UMAD1: variants seen among roughly 807,000 people sequenced by gnomAD.
The protein encoded by UMAD1 is UBAP1-MVB12-associated (UMA) domain containing 1, also known as UBAP1-MVB12-associated (UMA)-domain containing protein 1.
Under a neutral mutation model 6.1 loss-of-function variants are expected in UMAD1, and 8 were observed. The ratio of observed to expected loss-of-function variants is 1.30; its 90% CI spans 0.76 to 2.35. The LOEUF is 2.35. Ranked by LOEUF, UMAD1 falls within the 30% of genes most tolerant of loss-of-function variation. UMAD1 has a pLI of 0.00. For missense variants in UMAD1, 130 were observed against 78.4 expected (o/e 1.66, Z -2.49); for synonymous variants, 56 against 31.4 (o/e 1.78, Z -2.61).
At chr7:7,857,447 C>T (rs1295626254) in intron 3 of UMAD1, among the ~76,000 whole-genome samples, 2 of 152,196 alleles carry the variant, frequency 1.3e-5, no homozygotes, top group Non-Finnish European at 2.9e-5. Flanking sequence ...CACTTTCTTG[C>T]CATTGCTTGC....
chr7:7,699,609 T>G (rs1049700158), intron 2 of UMAD1, among the ~76,000 whole-genome samples: 2 of 152,210 alleles, frequency 1.3e-5, no homozygotes, highest in African/African-American at 4.8e-5. Flanking sequence ...GGAAATAGAT[T>G]TAGTTCTAAG....
intron 2 of UMAD1, among the ~76,000 whole-genome samples, chr7:7,686,774 T>G (rs1448710534): frequency 6.6e-6 from 1 of 152,198 alleles, no homozygotes; most frequent in Non-Finnish European, 1.5e-5. Context: ...GTTTTCCAGT[T>G]AGGTGTGAAG....
chr7:7,672,950 A>G (rs1377904865), intron 1 of UMAD1, among the ~76,000 whole-genome samples: 2 of 152,106 alleles, frequency 1.3e-5, no homozygotes, highest in Non-Finnish European at 2.9e-5. Context: ...AGGTCTGTTT[A>G]TTTTATTTTT....
chr7:7,728,072 A>T (rs4140936), intron 2 of UMAD1, among the ~76,000 whole-genome samples: 11,760 of 151,986 alleles, frequency 0.077, 532 homozygotes, highest in South Asian at 0.11. Context: ...AACTCTTGGG[A>T]CCTCCATTCT....
intron 1 of UMAD1, among the ~76,000 whole-genome samples, chr7:7,665,844 G>T (rs1201782104): frequency 1.4e-5 from 2 of 146,852 alleles, no homozygotes; most frequent in African/African-American, 2.5e-5. Context: ...TTTTGAGATC[G>T]TTGCATGTTG....
intron 3 of UMAD1, among the ~76,000 whole-genome samples, chr7:7,835,450 A>T: frequency 1.6e-5 from 1 of 64,126 alleles, no homozygotes; most frequent in African/African-American, 5.5e-5. Flanking sequence ...TCATTCACTC[A>T]TTGAAACAGC....
At chr7:7,709,071 A>C (rs936406763) in intron 2 of UMAD1, among the ~76,000 whole-genome samples, 1 of 152,162 alleles carries the variant, frequency 6.6e-6, no homozygotes, top group Non-Finnish European at 1.5e-5. Context: ...ACTTAATAAC[A>C]CATCTTTCAG....
chr7:7,738,155 A>G (rs1291945527), intron 2 of UMAD1, among the ~76,000 whole-genome samples: 3 of 152,236 alleles, frequency 2.0e-5, no homozygotes, highest in African/African-American at 4.8e-5. Flanking sequence ...AAAAGAATTA[A>G]TTCCATTTCT....
chr7:7,711,784 G>T (rs1780770317), intron 2 of UMAD1, among the ~76,000 whole-genome samples: 1 of 152,072 alleles, frequency 6.6e-6, no homozygotes, highest in South Asian at 2.1e-4. Context: ...TGTTAATGAA[G>T]AGACATTTTG....
chr7:7,657,609 A>G (rs1178937344), intron 1 of UMAD1, among the ~76,000 whole-genome samples: 1 of 151,962 alleles, frequency 6.6e-6, no homozygotes, highest in African/African-American at 2.4e-5. Context: ...TATGTCAAAG[A>G]TCAGATGGTT....
rs556602885 is a variant in UMAD1, at chr7:7,722,469, C to A, written c.82+49016C>A. On this transcript the variant is annotated intron_variant, in intron 2 of 3. Coordinates refer to ENST00000682710, the MANE Select transcript of UMAD1 (RefSeq NM_001302348.2). ...AAATGCATTTGACACTCCTGATTTA[C>A]CGCCCATGTGAGACAAGGGGTTTAG... Among the ~76,000 whole-genome samples, 18 of 152,184 alleles carry A rather than the reference C, an allele frequency of 1.2e-4. 1 individual carries two copies. In the South Asian group the frequency reaches 3.3e-3, roughly 28 times the overall value.
intron 3 of UMAD1, among the ~76,000 whole-genome samples, chr7:7,824,619 G>A (rs1486472000): frequency 6.6e-6 from 1 of 152,048 alleles, no homozygotes; most frequent in Non-Finnish European, 1.5e-5. Flanking sequence ...ACAGTGTTTT[G>A]TCATGGTTTA....
rs1271237125 is a variant in UMAD1 at position 7,778,275 on chromosome 7, T to TGTGTGA, written c.83-23394_83-23393insTGTGAG. 6.3e-3 allele frequency among the ~76,000 whole-genome samples: 700 copies of TGTGTGA among 110,516 alleles called. 2 individuals are homozygous for TGTGTGA. Among genetic ancestry groups the TGTGTGA allele is most frequent in the Middle Eastern group, 8.3e-3 (2 of 242 alleles). 72.5% of individuals were successfully genotyped at this position (110,516 alleles called of 152,430 possible). A position where few individuals can be genotyped will look rare whatever the true frequency, so the allele number is the denominator to read the frequency against. ...GTGTGTGTGTGTGTGTGTGTGTGTG[T>TGTGTGA]GAGAGAGAGAGAGAGAGAGAGACAG... is the stretch of plus-strand genomic sequence containing the variant. On this transcript the variant is annotated intron_variant, in intron 2 of 3. Transcript: ENST00000682710.
chr7:7,692,739 A>T (rs1301107463), intron 2 of UMAD1, among the ~76,000 whole-genome samples: 15 of 152,082 alleles, frequency 9.9e-5, no homozygotes, highest in Admixed American at 9.2e-4. Flanking sequence ...CCTCCCGAGT[A>T]GTTGGGACTA....
intron 1 of UMAD1, among the ~76,000 whole-genome samples, chr7:7,648,175 CAGG>C (rs1394956675): frequency 6.6e-6 from 1 of 152,170 alleles, no homozygotes; most frequent in Non-Finnish European, 1.5e-5. Context: ...CGTTCTAAAT[CAGG>C]AGATTTCCAT....
intron 3 of UMAD1, among the ~76,000 whole-genome samples, chr7:7,858,894 C>G (rs1018462054): frequency 6.6e-6 from 1 of 152,136 alleles, no homozygotes; most frequent in African/African-American, 2.4e-5. Flanking sequence ...GATTTTGCCA[C>G]TAATCTCAGG....
rs564509655 is a variant in UMAD1 at position 7,855,176 on chromosome 7, G to A, written c.157-22105G>A. 3.9e-5 allele frequency among the ~76,000 whole-genome samples: 6 copies of A among 152,350 alleles called. No homozygotes were observed. The South Asian group carries it at 1.2e-3, about 32-fold the overall frequency. ...TGTCTGCAGCTTTTCCAGGTGCATG[G>A]TGCAAGCTGTCAGTGAATCTACCAT... is the stretch of plus-strand genomic sequence containing the variant. On this transcript the variant is annotated intron_variant, in intron 3 of 3. Coordinates refer to ENST00000682710, the MANE Select transcript of UMAD1 (RefSeq NM_001302348.2).
chr7:7,729,759 C>G (rs1406526698), intron 2 of UMAD1, among the ~76,000 whole-genome samples: 2 of 152,206 alleles, frequency 1.3e-5, no homozygotes, highest in East Asian at 3.9e-4. Flanking sequence ...CTTTTCTACC[C>G]CAGTCATTCT....
intron 2 of UMAD1, among the ~76,000 whole-genome samples, chr7:7,747,479 A>G (rs1423626868): frequency 6.6e-6 from 1 of 152,226 alleles, no homozygotes; most frequent in African/African-American, 2.4e-5. Context: ...GGTCAAGGTC[A>G]CAGAGTAGTA....
Sources: allele counts gnomAD v4.1 joint callset (sites outside exome capture counted in the v4.1 genomes callset), GRCh38; gene constraint gnomAD v4.1.1; transcripts MANE v1.5; gene names NCBI Gene and HGNC (gene_info 2026-07-23, HGNC 2026-07-21).